The following SLC24A3 variants were observed in gnomAD, a reference collection of about 807,000 sequenced individuals.
SLC24A3 encodes solute carrier family 24 member 3.
A neutral mutation model predicts 75.8 loss-of-function variants in SLC24A3; 28 were observed. The observed-to-expected ratio is 0.37, with a 90% CI of 0.27 to 0.51. SLC24A3 has a LOEUF of 0.51. Among genes scored for constraint, SLC24A3 ranks in the 20% least tolerant of loss-of-function variants. The pLI is 0.94. For missense variants in SLC24A3, 663 were observed against 847.8 expected (o/e 0.78, Z 2.71); for synonymous variants, 372 against 334.1 (o/e 1.11, Z -1.24).
At chr20:19,666,529 G>A (rs2032402120) in intron 8 of SLC24A3, among the ~76,000 whole-genome samples, 1 of 151,880 alleles carries the variant, frequency 6.6e-6, no homozygotes, top group African/African-American at 2.4e-5. Context: ...AAAAAATTGT[G>A]TCCAAACCAA....
At chr20:19,516,293 G>T (rs982881294) in intron 3 of SLC24A3, among the ~76,000 whole-genome samples, 3 of 152,182 alleles carry the variant, frequency 2.0e-5, no homozygotes, top group Non-Finnish European at 4.4e-5. Context: ...GATGTCTAAG[G>T]AGTGGACAGC....
intron 6 of SLC24A3, among the ~76,000 whole-genome samples, chr20:19,650,060 A>G (rs760657298): frequency 6.6e-6 from 1 of 152,202 alleles, no homozygotes; most frequent in Non-Finnish European, 1.5e-5. Context: ...CACTGTAAGT[A>G]CCATAGAATT....
intron 2 of SLC24A3, among the ~76,000 whole-genome samples, chr20:19,393,955 A>G (rs1289256274): frequency 6.6e-6 from 1 of 152,230 alleles, no homozygotes; most frequent in African/African-American, 2.4e-5. Context: ...CTGATTACAA[A>G]ATATATTACA....
At chr20:19,307,051 G>A (rs1274054546) in intron 2 of SLC24A3, among the ~76,000 whole-genome samples, 1 of 152,154 alleles carries the variant, frequency 6.6e-6, no homozygotes, top group Non-Finnish European at 1.5e-5. Flanking sequence ...GAGGATATTG[G>A]TTGGAGTGGG....
At chr20:19,711,463 CAT>C (rs1005638219) in intron 15 of SLC24A3, among the ~76,000 whole-genome samples, 10 of 152,094 alleles carry the variant, frequency 6.6e-5, no homozygotes, top group African/African-American at 2.4e-4. Flanking sequence ...CACACACACA[CAT>C]GCACAAATGC....
intron 2 of SLC24A3, among the ~76,000 whole-genome samples, chr20:19,494,538 A>G (rs1988254166): frequency 6.6e-6 from 1 of 152,192 alleles, no homozygotes; most frequent in African/African-American, 2.4e-5. Context: ...GGGGAAGGAA[A>G]TACTACCCCA....
chr20:19,364,458 CT>C (rs959000554), intron 2 of SLC24A3, among the ~76,000 whole-genome samples: 2 of 151,056 alleles, frequency 1.3e-5, no homozygotes, highest in Non-Finnish European at 2.9e-5. Context: ...GAACAGTTAA[CT>C]TTTTTTTCTT....
At chr20:19,256,447 T>C (rs1291480705) in intron 1 of SLC24A3, among the ~76,000 whole-genome samples, 1 of 152,118 alleles carries the variant, frequency 6.6e-6, no homozygotes, top group Non-Finnish European at 1.5e-5. Flanking sequence ...TGAAAAACCA[T>C]TTAATTGTAC....
At chr20:19,657,970 T>C (rs1244248440) in intron 7 of SLC24A3, among the ~76,000 whole-genome samples, 1 of 152,178 alleles carries the variant, frequency 6.6e-6, no homozygotes, top group Non-Finnish European at 1.5e-5. Context: ...TCCCAAACAA[T>C]GCATTCAACT....
chr20:19,669,911 A>G (rs145515544), intron 8 of SLC24A3, among the ~76,000 whole-genome samples: 1 of 152,116 alleles, frequency 6.6e-6, no homozygotes, highest in African/African-American at 2.4e-5. Context: ...GAGGGAAGAA[A>G]CAAACCCAGA....
At chr20:19,639,313 G>T (rs1052329924) in intron 6 of SLC24A3, among the ~76,000 whole-genome samples, 7 of 152,004 alleles carry the variant, frequency 4.6e-5, no homozygotes, top group African/African-American at 1.7e-4. Context: ...CCTTGAGCTA[G>T]ATACAGAGTG....
At chr20:19,270,765 G>T (rs1375538166) in intron 1 of SLC24A3, among the ~76,000 whole-genome samples, 4 of 152,018 alleles carry the variant, frequency 2.6e-5, no homozygotes, top group Non-Finnish European at 5.9e-5. Context: ...GAGTGTGGGA[G>T]AGAGATAGAG....
intron 2 of SLC24A3, among the ~76,000 whole-genome samples, chr20:19,413,948 T>C (rs2122424859): frequency 6.6e-6 from 1 of 152,282 alleles, no homozygotes; most frequent in Admixed American, 6.5e-5. Context: ...TCCTAATATA[T>C]AAAGAATGCA....
chr20:19,515,386 A>C, intron 2 of SLC24A3, 102 bp from the exon 3 acceptor site: 1 of 1,075,244 alleles, frequency 9.3e-7, no homozygotes, highest in South Asian at 1.4e-5. Flanking sequence ...TCTTTTTTTC[A>C]TCCAAGTTCA....
rs117763190 is a variant in SLC24A3 at position 19,304,353 on chromosome 20, C to G, written c.271+23266C>G. Among the ~76,000 whole-genome samples the G allele has an allele frequency of 3.3e-4, 50 of 151,758 alleles. No homozygotes were observed. In the East Asian group the frequency reaches 7.5e-3, roughly 23 times the overall value. ...AATTTGCGTAACTTCTCGTAGTTTC[C>G]TCATCTTTCAAAGCAGATGTTGTTG... On this transcript the variant is annotated intron_variant, in intron 2 of 16. Coordinates refer to ENST00000328041, the MANE Select transcript of SLC24A3 (RefSeq NM_020689.4).
At chr20:19,662,181 C>T (rs1568689069) in intron 7 of SLC24A3, among the ~76,000 whole-genome samples, 1 of 152,184 alleles carries the variant, frequency 6.6e-6, no homozygotes, top group African/African-American at 2.4e-5. Context: ...TCAGTATCAC[C>T]CTTGGTGGTC....
At chr20:19,509,176 A>G (rs1439801225) in intron 2 of SLC24A3, among the ~76,000 whole-genome samples, 1 of 152,226 alleles carries the variant, frequency 6.6e-6, no homozygotes, top group East Asian at 1.9e-4. Flanking sequence ...TCTACAGATG[A>G]AGGAAATGAG....
At chr20:19,419,845 T>C (rs1204924575) in intron 2 of SLC24A3, among the ~76,000 whole-genome samples, 26 of 148,534 alleles carry the variant, frequency 1.8e-4, no homozygotes, top group Non-Finnish European at 3.6e-4. Flanking sequence ...TTTTTTATTA[T>C]ACTCTAAGTT....
At chr20:19,425,501 C>T (rs2122443588) in intron 2 of SLC24A3, among the ~76,000 whole-genome samples, 1 of 152,326 alleles carries the variant, frequency 6.6e-6, no homozygotes, top group Non-Finnish European at 1.5e-5. Flanking sequence ...TAAGGTCAAA[C>T]ATTTTTGGCA....
Sources: gnomAD v4.1 joint callset for allele counts (sites outside exome capture counted in the v4.1 genomes callset) on GRCh38, gnomAD v4.1.1 for gene constraint, MANE v1.5 for transcripts, NCBI Gene and HGNC (gene_info 2026-07-23, HGNC 2026-07-21) for gene names.